LRRTM4: variants seen among roughly 807,000 people sequenced by gnomAD.
The protein encoded by LRRTM4 is leucine rich repeat transmembrane neuronal 4.
Under a neutral mutation model 47.6 loss-of-function variants are expected in LRRTM4, and 25 were observed. The ratio of observed to expected loss-of-function variants is 0.53; its 90% CI spans 0.38 to 0.73. The LOEUF is 0.73. Ranked by LOEUF, LRRTM4 falls within the 30% of genes least tolerant of loss-of-function variation. LRRTM4 has a pLI of 0.00. For missense variants in LRRTM4, 638 were observed against 713.4 expected, an observed-to-expected ratio of 0.89 and a Z score of 1.20; for synonymous variants, 311 against 269.5, an observed-to-expected ratio of 1.15 and a Z score of -1.51.
chr2:77,472,573 C>G (rs774832164), intron 3 of LRRTM4, among the ~76,000 whole-genome samples: 2 of 151,748 alleles, frequency 1.3e-5, no homozygotes, highest in Non-Finnish European at 2.9e-5. Flanking sequence ...TCTGTAAGAG[C>G]AGGGCTTTGT....
At chr2:76,899,404 G>T (rs938691766) in intron 3 of LRRTM4, among the ~76,000 whole-genome samples, 1 of 150,712 alleles carries the variant, frequency 6.6e-6, no homozygotes, top group Non-Finnish European at 1.5e-5. Flanking sequence ...CTATTGAGAG[G>T]TAGGGCAAAA....
intron 3 of LRRTM4, among the ~76,000 whole-genome samples, chr2:76,933,627 G>C (rs541567385): frequency 1.3e-5 from 2 of 151,796 alleles, no homozygotes; most frequent in African/African-American, 2.4e-5. Flanking sequence ...AACATAACAG[G>C]GTTTTGATCC....
At chr2:77,446,031 A>T (rs1021324158) in intron 3 of LRRTM4, among the ~76,000 whole-genome samples, 2 of 152,030 alleles carry the variant, frequency 1.3e-5, no homozygotes, top group African/African-American at 4.8e-5. Flanking sequence ...AGTTCCTTTG[A>T]GACAGGGTTG....
intron 3 of LRRTM4, among the ~76,000 whole-genome samples, chr2:77,200,785 T>C (rs964501151): frequency 4.6e-5 from 7 of 152,166 alleles, no homozygotes; most frequent in Admixed American, 1.3e-4. Context: ...AAAACTGACA[T>C]AATTTAATAT....
chr2:77,141,051 G>A (rs1161924514), intron 3 of LRRTM4, among the ~76,000 whole-genome samples: 1 of 152,124 alleles, frequency 6.6e-6, no homozygotes, highest in Non-Finnish European at 1.5e-5. Flanking sequence ...AACCATTGTG[G>A]AAGACAGTGT....
In LRRTM4 at chr2:76,923,641, C is replaced by A. The variant is rs533969332; in HGVS notation, c.1552-174725G>T. 1.8e-3 allele frequency among the ~76,000 whole-genome samples: 274 copies of A among 152,180 alleles called. 1 individual carries two copies. Among genetic ancestry groups the A allele is most frequent in the Middle Eastern group, 3.4e-3 (1 of 294 alleles). On this transcript the variant is annotated intron_variant, in intron 3 of 3. Transcript: ENST00000409884. ...TCTACCCACATATTCTAGGAAAGCA[C>A]TTCCTGTGCATTTTCTAAAATTATA...
chr2:77,138,578 C>A (rs1288957469), intron 3 of LRRTM4, among the ~76,000 whole-genome samples: 1 of 152,000 alleles, frequency 6.6e-6, no homozygotes, highest in African/African-American at 2.4e-5. Flanking sequence ...GAAGCAAGAG[C>A]AAACACATTC....
At chr2:76,979,621 G>A (rs980396994) in intron 3 of LRRTM4, among the ~76,000 whole-genome samples, 3 of 148,088 alleles carry the variant, frequency 2.0e-5, no homozygotes, top group African/African-American at 7.7e-5. Flanking sequence ...GAACTAGCAC[G>A]ACATTTTATG....
intron 3 of LRRTM4, among the ~76,000 whole-genome samples, chr2:76,768,663 C>T (rs967631950): frequency 2.0e-5 from 3 of 151,854 alleles, no homozygotes; most frequent in Non-Finnish European, 4.4e-5. Context: ...TCTATTTTTT[C>T]CTCTTATAGG....
At chr2:76,949,442 G>T (rs918754680) in intron 3 of LRRTM4, among the ~76,000 whole-genome samples, 1 of 151,862 alleles carries the variant, frequency 6.6e-6, no homozygotes, top group Non-Finnish European at 1.5e-5. Flanking sequence ...CTAGGGAATG[G>T]AATAAAGTAC....
At chr2:77,219,350 C>T (rs1045736378) in intron 3 of LRRTM4, among the ~76,000 whole-genome samples, 2 of 152,008 alleles carry the variant, frequency 1.3e-5, no homozygotes, top group Non-Finnish European at 2.9e-5. Flanking sequence ...AATTATTGAC[C>T]AAAGAGTACA....
intron 3 of LRRTM4, among the ~76,000 whole-genome samples, chr2:77,132,584 C>T (rs1671831003): frequency 6.6e-6 from 1 of 152,160 alleles, no homozygotes. Flanking sequence ...GTCTCTGCTC[C>T]TGGAATGGCA....
At chr2:76,796,245 T>G (rs1277755991) in intron 3 of LRRTM4, among the ~76,000 whole-genome samples, 1 of 110,400 alleles carries the variant, frequency 9.1e-6, no homozygotes, top group Non-Finnish European at 1.8e-5. Context: ...GGGGGAGGGG[T>G]GCCCGCCATT....
At chr2:77,335,033 C>T (rs934503969) in intron 3 of LRRTM4, among the ~76,000 whole-genome samples, 2 of 152,056 alleles carry the variant, frequency 1.3e-5, no homozygotes, top group Non-Finnish European at 2.9e-5. Flanking sequence ...TAGCTTTTTC[C>T]TTTTCCTTTC....
At chr2:77,430,938 T>G (rs1040998154) in intron 3 of LRRTM4, among the ~76,000 whole-genome samples, 1 of 148,404 alleles carries the variant, frequency 6.7e-6, no homozygotes, top group Admixed American at 6.6e-5. Context: ...AAGGCCAATT[T>G]GCTCTGTTTT....
At chr2:77,496,026 C>A (rs1021720463) in intron 3 of LRRTM4, among the ~76,000 whole-genome samples, 7 of 151,942 alleles carry the variant, frequency 4.6e-5, no homozygotes, top group African/African-American at 1.4e-4. Flanking sequence ...TTACTTACAT[C>A]TTCCTTATAT....
chr2:76,852,668 C>T (rs1005014101), intron 3 of LRRTM4, among the ~76,000 whole-genome samples: 1 of 152,090 alleles, frequency 6.6e-6, no homozygotes, highest in African/African-American at 2.4e-5. Context: ...AAAAGAATTT[C>T]AACTTTCCTG....
At chr2:77,197,635 G>C (rs1673865905) in intron 3 of LRRTM4, among the ~76,000 whole-genome samples, 1 of 152,126 alleles carries the variant, frequency 6.6e-6, no homozygotes, top group Admixed American at 6.6e-5. Flanking sequence ...TTCACATATT[G>C]AAAGTGTAAA....
intron 3 of LRRTM4, among the ~76,000 whole-genome samples, chr2:76,846,470 T>C (rs1671839846): frequency 6.6e-6 from 1 of 152,198 alleles, no homozygotes; most frequent in South Asian, 2.1e-4. Context: ...TATATCATTT[T>C]ACATGTATAT....
Sources: allele counts gnomAD v4.1 joint callset (sites outside exome capture counted in the v4.1 genomes callset), GRCh38; gene constraint gnomAD v4.1.1; transcripts MANE v1.5; gene names NCBI Gene and HGNC (gene_info 2026-07-23, HGNC 2026-07-21).